Variants in SETDB2 observed in about 807,000 individuals in gnomAD.
SETDB2 encodes the protein histone-lysine N-methyltransferase SETDB2.
In SETDB2, 56 loss-of-function variants were observed where a neutral mutation model predicts 82.5. The observed-to-expected ratio is 0.68, with a 90% confidence interval of 0.55 to 0.85. SETDB2 has a LOEUF of 0.85. Ranked by LOEUF, SETDB2 falls within the 40% of genes least tolerant of loss-of-function variation. The pLI, the probability that SETDB2 is intolerant of heterozygous loss-of-function variation, is 0.00. For missense variants in SETDB2, 677 were observed against 816.4 expected (o/e 0.83, Z 2.08); for synonymous variants, 272 against 284.9 (o/e 0.95, Z 0.46).
At chr13:49,447,000 A>G (rs995620204) in intron 1 of SETDB2, among the ~76,000 whole-genome samples, 2 of 152,158 alleles carry the variant, frequency 1.3e-5, no homozygotes, top group Non-Finnish European at 2.9e-5. Flanking sequence ...AGTTTATGAG[A>G]GTTAAGTTTC....
intron 9 of SETDB2, 132 bp from the exon 10 acceptor site, chr13:49,483,332 C>T (rs1958516112): frequency 7.0e-6 from 3 of 427,336 alleles, no homozygotes; most frequent in Non-Finnish European, 1.3e-5. Flanking sequence ...AAGGAATAAA[C>T]ATAGATGTTC....
rs1215285422 is a variant in SETDB2 at position 49,476,742 on chromosome 13, A to G, written c.572A>G (p.Glu191Gly). Residue 191 changes from glutamate to glycine, a missense_variant, in exon 6 of 14, where the codon GAG becomes GGG. Glu to Gly is a moderately conservative substitution (Grantham distance 98). This residue lies in a region of SETDB2 where 243 missense variants were observed against 237.2 expected (regional missense o/e 1.02). Coordinates refer to ENST00000611815, the MANE Select transcript of SETDB2 (RefSeq NM_001160308.3). ...TGTGGAAGGAGTCTACGAAACGTGG[A>G]GGAAGTTTTTCGTTACCTGCTTGAG... Reference protein sequence around the residue: ...TPCGRSLRNVEEVFRYLLETE... With the variant: ...TPCGRSLRNVGEVFRYLLETE... The G allele has an allele frequency of 1.9e-6, 3 of 1,614,084 alleles. No individual in the cohort carries two copies. The highest frequency in any genetic ancestry group is 2.5e-6 in the Non-Finnish European group (3 of 1,180,038).
chr13:49,446,710 C>T (rs1476509225), intron 1 of SETDB2, among the ~76,000 whole-genome samples: 1 of 152,060 alleles, frequency 6.6e-6, no homozygotes, highest in Non-Finnish European at 1.5e-5. Context: ...ATTTCTTTGT[C>T]TCTTTTATTG....
chr13:49,480,406 A>G, intron 7 of SETDB2, 71 bp downstream of exon 7: 1 of 877,714 alleles, frequency 1.1e-6, no homozygotes, highest in Non-Finnish European at 1.7e-6. Context: ...TTGTGGTCCA[A>G]AATCTTATAG....
rs199579804 is a variant in SETDB2 at position 49,454,251 on chromosome 13, T to A, written c.16+2342T>A. ...AATCCTGTCTCTACTTAAAAAAAAATAATAATAGTAATACAAAGTGGCACA... is the reference window on the plus strand; with the variant it reads ...AATCCTGTCTCTACTTAAAAAAAAAAAATAATAGTAATACAAAGTGGCACA... On this transcript the variant is annotated intron_variant, in intron 2 of 13. Transcript: ENST00000611815. Among the ~76,000 whole-genome samples, 8 of 151,868 alleles carry A rather than the reference T, an allele frequency of 5.3e-5. No homozygotes were observed. The East Asian group carries it at 1.4e-3, about 26-fold the overall frequency.
At chr13:49,478,413 G>A (rs1009046156) in intron 6 of SETDB2, among the ~76,000 whole-genome samples, 1 of 152,074 alleles carries the variant, frequency 6.6e-6, no homozygotes, top group African/African-American at 2.4e-5. Flanking sequence ...AAAACCAATG[G>A]GGTCAGAGCC....
chr13:49,479,500 A>G (rs979170708), intron 6 of SETDB2, among the ~76,000 whole-genome samples: 1 of 152,200 alleles, frequency 6.6e-6, no homozygotes, highest in Non-Finnish European at 1.5e-5. Flanking sequence ...ATGTGTATTA[A>G]TTAATACAGA....
chr13:49,470,684 C>T (rs1290471784), intron 5 of SETDB2, among the ~76,000 whole-genome samples: 1 of 152,100 alleles, frequency 6.6e-6, no homozygotes, highest in Non-Finnish European at 1.5e-5. Flanking sequence ...CCCATCTCTA[C>T]AAAAAGTAAC....
chr13:49,474,027 C>T (rs1347249893), intron 5 of SETDB2, among the ~76,000 whole-genome samples: 2 of 152,252 alleles, frequency 1.3e-5, no homozygotes, highest in Middle Eastern at 3.4e-3. Flanking sequence ...TTTGGGAGGC[C>T]GAGGTGGGTG....
intron 4 of SETDB2, among the ~76,000 whole-genome samples, chr13:49,463,711 C>T (rs1452419027): frequency 6.6e-6 from 1 of 151,964 alleles, no homozygotes; most frequent in Non-Finnish European, 1.5e-5. Flanking sequence ...TCAGATGGCT[C>T]ATGACCTTCA....
intron 2 of SETDB2, among the ~76,000 whole-genome samples, chr13:49,457,628 G>A (rs1458903840): frequency 6.6e-6 from 1 of 151,650 alleles, no homozygotes; most frequent in African/African-American, 2.4e-5. Context: ...TAGAGATGGG[G>A]TTTCACCGTG....
chr13:49,450,982 A>C (rs1417856234), intron 1 of SETDB2, among the ~76,000 whole-genome samples: 1 of 151,100 alleles, frequency 6.6e-6, no homozygotes, highest in Admixed American at 6.6e-5. Context: ...AATTATTAAA[A>C]TATTTAATGT....
At position 49,491,837 on chromosome 13, in the gene SETDB2, A is replaced by C. The variant is rs201750587; in HGVS notation, c.2112A>C (p.Lys704Asn). The change falls in exon 14 of 14, where the codon AAA becomes AAC. Residue 704 changes from lysine to asparagine, a missense_variant. By Grantham distance (94) the Lys-to-Asn change is moderately conservative (BLOSUM62 0). Around this residue, in one of 3 missense-constraint regions of SETDB2, gnomAD observed 420 missense variants for 554.6 expected, o/e 0.76. Transcript: ENST00000611815. ...AATGTGGGGTTAATAAATGTAGAAA[A>C]AAAATATTATAAATATGTAACTAAC... Reference protein sequence around the residue: ...FCQCGVNKCRKKIL With the variant: ...FCQCGVNKCRNKIL 1 of 1,604,182 alleles carries C rather than the reference A, an allele frequency of 6.2e-7. No homozygotes were observed. The highest frequency in any genetic ancestry group is 2.2e-5 in the East Asian group (1 of 44,796).
rs1594186783 is a variant in SETDB2, at chr13:49,490,874, A to G, written c.1970A>G (p.Asn657Ser). The G allele has an allele frequency of 1.2e-6, 2 of 1,613,648 alleles. No homozygotes were observed. Among genetic ancestry groups the G allele is most frequent in the South Asian group, 1.1e-5 (1 of 91,002 alleles). ...LVQNVFVETH[N>S]RNFPLVAFFT... is the part of the protein sequence containing the mutation. ...CAGAATGTTTTTGTAGAAACACACA[A>G]CAGGAATTTTCCATTGGTGGCATTC... Residue 657 changes from asparagine (N) to serine (S), a missense_variant, in exon 13 of 14, where the codon AAC becomes AGC. Physicochemically the swap from Asn to Ser is conservative, Grantham distance 46. This residue lies in a region of SETDB2 where 420 missense variants were observed against 554.6 expected (regional missense o/e 0.76). Coordinates refer to ENST00000611815, the MANE Select transcript of SETDB2 (RefSeq NM_001160308.3).
chr13:49,486,020 T>C (rs1246708116), intron 11 of SETDB2, among the ~76,000 whole-genome samples: 1 of 151,638 alleles, frequency 6.6e-6, no homozygotes, highest in Non-Finnish European at 1.5e-5. Flanking sequence ...ACAATTTTAG[T>C]GTCCAGAAAT....
At chr13:49,469,300 G>A (rs572809494) in intron 5 of SETDB2, among the ~76,000 whole-genome samples, 2 of 152,282 alleles carry the variant, frequency 1.3e-5, no homozygotes, top group African/African-American at 2.4e-5. Context: ...AACGCTTTAA[G>A]CAACTGTGAA....
intron 12 of SETDB2, chr13:49,489,380 C>T (rs1594183934): frequency 6.6e-6 from 1 of 151,966 alleles, no homozygotes; most frequent in South Asian, 2.1e-4. Context: ...TAATGGCTAT[C>T]TTCAGCAAAG....
intron 6 of SETDB2, among the ~76,000 whole-genome samples, chr13:49,478,666 C>T (rs1958419369): frequency 1.3e-5 from 2 of 152,126 alleles, no homozygotes; most frequent in African/African-American, 4.8e-5. Context: ...GTGGCTCATA[C>T]CTGTAATCCT....
At chr13:49,452,033 T>A in intron 2 of SETDB2, 124 bp downstream of exon 2, 1 of 606,974 alleles carries the variant, frequency 1.6e-6, no homozygotes, top group Non-Finnish European at 2.7e-6. Flanking sequence ...TAGAGGGAAT[T>A]AAGGGTTTAT....
Sources: gnomAD v4.1 joint callset for allele counts (sites outside exome capture counted in the v4.1 genomes callset) on GRCh38, gnomAD v4.1.1 for gene constraint, gnomAD v4.1.1 regional missense constraint, MANE v1.5 for transcripts, NCBI Gene and HGNC (gene_info 2026-07-23, HGNC 2026-07-21) for gene names.